The following DLGAP1 variants were observed in gnomAD, a reference collection of about 807,000 sequenced individuals.
DLGAP1 encodes disks large-associated protein 1.
DLGAP1 carries 11 observed loss-of-function variants against 90.8 expected under a neutral mutation model. The observed-to-expected ratio is 0.12, with a 90% CI of 0.08 to 0.20. The LOEUF (loss-of-function observed/expected upper bound fraction) is 0.20, where lower values mean the gene tolerates loss of function less well. DLGAP1 is among the 10% of genes least tolerant of loss of function. DLGAP1 has a pLI of 1.00. For synonymous variants in DLGAP1, 558 were observed against 540.7 expected (o/e 1.03, Z -0.44); for missense variants, 1,050 against 1,333.8 (o/e 0.79, Z 3.31).
At chr18:3,677,482 T>C (rs754162671) in intron 7 of DLGAP1, among the ~76,000 whole-genome samples, 11 of 152,366 alleles carry the variant, frequency 7.2e-5, no homozygotes, top group Non-Finnish European at 1.5e-4. Context: ...CTGTACTGTA[T>C]ATTCCTGCAG....
chr18:4,433,909 T>A (rs1446516984), intron 1 of DLGAP1, among the ~76,000 whole-genome samples: 3 of 152,174 alleles, frequency 2.0e-5, no homozygotes, highest in Non-Finnish European at 4.4e-5. Flanking sequence ...CTTTAGTTTA[T>A]GTGCTGAAGC....
At chr18:4,000,827 T>A (rs1195824304) in intron 3 of DLGAP1, among the ~76,000 whole-genome samples, 1 of 152,210 alleles carries the variant, frequency 6.6e-6, no homozygotes, top group Non-Finnish European at 1.5e-5. Flanking sequence ...TTTTAACTAG[T>A]GCCAAAAAAA....
At chr18:4,441,059 T>C (rs1411491822) in intron 1 of DLGAP1, among the ~76,000 whole-genome samples, 1 of 152,236 alleles carries the variant, frequency 6.6e-6, no homozygotes, top group Non-Finnish European at 1.5e-5. Flanking sequence ...TATTCTAACA[T>C]CTTTTTTTAC....
chr18:3,755,479 A>AAAAAAC (rs1375716260), intron 5 of DLGAP1, among the ~76,000 whole-genome samples: 2 of 151,884 alleles, frequency 1.3e-5, no homozygotes, highest in African/African-American at 2.4e-5. Context: ...ACAAAAAAAC[A>AAAAAAC]AAAAACAAAA....
intron 7 of DLGAP1, among the ~76,000 whole-genome samples, chr18:3,630,702 C>T (rs1787808): frequency 0.019 from 2,869 of 152,238 alleles, 91 homozygotes; most frequent in African/African-American, 0.065. Context: ...TTTCTGTAAT[C>T]TGTAGTCTGT....
chr18:4,210,442 C>G (rs536128765), intron 1 of DLGAP1, among the ~76,000 whole-genome samples: 1 of 152,088 alleles, frequency 6.6e-6, no homozygotes, highest in African/African-American at 2.4e-5. Context: ...CACTACTGAT[C>G]GGAAAAGTAG....
At chr18:4,369,814 G>GT (rs1200264634) in intron 1 of DLGAP1, among the ~76,000 whole-genome samples, 15 of 45,334 alleles carry the variant, frequency 3.3e-4, no homozygotes, top group Admixed American at 3.1e-3. Context: ...GAAAGTCTTA[G>GT]TAAAAAAAAA....
intron 3 of DLGAP1, among the ~76,000 whole-genome samples, chr18:3,905,338 G>A (rs561007720): frequency 8.4e-6 from 1 of 119,034 alleles, no homozygotes; most frequent in African/African-American, 3.2e-5. Flanking sequence ...CTGCACTCCA[G>A]CCTGGGCAAC....
At chr18:4,204,526 T>TTTTTG (rs1014411494) in intron 1 of DLGAP1, among the ~76,000 whole-genome samples, 2 of 144,328 alleles carry the variant, frequency 1.4e-5, no homozygotes, top group African/African-American at 5.0e-5. Context: ...TTTGTTTTTG[T>TTTTTG]TTTTTTTTCT....
chr18:3,915,662 A>T (rs1350678270), intron 3 of DLGAP1, among the ~76,000 whole-genome samples: 1 of 152,246 alleles, frequency 6.6e-6, no homozygotes, highest in African/African-American at 2.4e-5. Flanking sequence ...AGAAAAGTTA[A>T]AACAAGGAAA....
At chr18:4,362,229 TG>T (rs1225179405) in intron 1 of DLGAP1, among the ~76,000 whole-genome samples, 1 of 152,174 alleles carries the variant, frequency 6.6e-6, no homozygotes, top group Non-Finnish European at 1.5e-5. Context: ...AGTCAACCTC[TG>T]GGCATATACT....
chr18:3,658,914 G>T (rs185139403), intron 7 of DLGAP1, among the ~76,000 whole-genome samples: 1 of 152,118 alleles, frequency 6.6e-6, no homozygotes, highest in Non-Finnish European at 1.5e-5. Flanking sequence ...GGAAGACAGG[G>T]GTGGCAGTGA....
intron 5 of DLGAP1, among the ~76,000 whole-genome samples, chr18:3,766,845 C>G (rs1174609110): frequency 6.6e-6 from 1 of 152,016 alleles, no homozygotes; most frequent in East Asian, 1.9e-4. Flanking sequence ...AAACGTATAG[C>G]ACTAAATGTA....
intron 3 of DLGAP1, among the ~76,000 whole-genome samples, chr18:3,959,669 A>AAAGAAAGAAAG (rs1555714889): frequency 0.14 from 20,841 of 148,928 alleles, 1,571 homozygotes; most frequent in African/African-American, 0.19. Flanking sequence ...GTCTCAAAAA[A>AAAGAAAGAAAG]AAAGAAAGAA....
chr18:4,198,137 C>A (rs1209880136), intron 1 of DLGAP1, among the ~76,000 whole-genome samples: 1 of 152,058 alleles, frequency 6.6e-6, no homozygotes, highest in Non-Finnish European at 1.5e-5. Context: ...GGCAGAATGG[C>A]GTGAATCCAG....
At chr18:3,676,222 G>GCGTA (rs1400901344) in intron 7 of DLGAP1, among the ~76,000 whole-genome samples, 2 of 152,174 alleles carry the variant, frequency 1.3e-5, no homozygotes, top group Admixed American at 6.5e-5. Flanking sequence ...AAGTTTATTT[G>GCGTA]CGTAATAAGA....
intron 7 of DLGAP1, among the ~76,000 whole-genome samples, chr18:3,685,193 T>C (rs962394325): frequency 1.3e-5 from 2 of 152,206 alleles, no homozygotes; most frequent in African/African-American, 4.8e-5. Context: ...AAGCATGATA[T>C]ATCAGCAACC....
At chr18:3,836,664 G>A (rs879569619) in intron 4 of DLGAP1, among the ~76,000 whole-genome samples, 25 of 152,280 alleles carry the variant, frequency 1.6e-4, no homozygotes, top group Admixed American at 1.4e-3. Context: ...TGACCTAAAG[G>A]CATCGCAAGG....
intron 1 of DLGAP1, among the ~76,000 whole-genome samples, chr18:4,391,538 T>C (rs2082340148): frequency 6.6e-6 from 1 of 152,188 alleles, no homozygotes; most frequent in Non-Finnish European, 1.5e-5. Context: ...TTCGGTGATT[T>C]CTGTGGTACT....
Sources: allele counts gnomAD v4.1 joint callset (sites outside exome capture counted in the v4.1 genomes callset), GRCh38; gene constraint gnomAD v4.1.1; transcripts MANE v1.5; gene names NCBI Gene and HGNC (gene_info 2026-07-23, HGNC 2026-07-21).